LRFN5: variants seen among roughly 807,000 people sequenced by gnomAD.
The protein encoded by LRFN5 is leucine rich repeat and fibronectin type III domain containing 5, also known as leucine-rich repeat and fibronectin type-III domain-containing protein 5.
Under a neutral mutation model 45.6 loss-of-function variants are expected in LRFN5, and 24 were observed. The observed-to-expected ratio is 0.53, with a 90% CI of 0.38 to 0.74. The LOEUF is 0.74. LRFN5 is among the 30% of genes least tolerant of loss of function. The pLI is 0.00. For synonymous variants in LRFN5, 340 were observed against 313.8 expected (o/e 1.08, Z -0.88); for missense variants, 776 against 861.5 (o/e 0.90, Z 1.24).
intron 1 of LRFN5, among the ~76,000 whole-genome samples, chr14:41,669,947 T>A (rs1486970158): frequency 4.2e-5 from 6 of 142,626 alleles, no homozygotes; most frequent in Non-Finnish European, 7.6e-5. Flanking sequence ...ATAAAAAAAA[T>A]TTGCTATATT....
At chr14:41,673,215 TCAATGAG>T (rs904869921) in intron 1 of LRFN5, among the ~76,000 whole-genome samples, 1 of 151,994 alleles carries the variant, frequency 6.6e-6, no homozygotes, top group African/African-American at 2.4e-5. Context: ...TGGCCCGTTC[TCAATGAG>T]CTGTTGGGTA....
intron 2 of LRFN5, among the ~76,000 whole-genome samples, chr14:41,826,798 T>A (rs1036092840): frequency 1.3e-5 from 2 of 151,856 alleles, no homozygotes; most frequent in African/African-American, 4.8e-5. Flanking sequence ...ATCTATAATA[T>A]GGGAAAATAA....
intron 2 of LRFN5, among the ~76,000 whole-genome samples, chr14:41,870,185 G>A (rs1209160897): frequency 6.6e-6 from 1 of 152,048 alleles, no homozygotes; most frequent in Non-Finnish European, 1.5e-5. Context: ...CAGGTTGTTG[G>A]TAAAATTCAT....
chr14:41,743,538 G>C (rs896858776), intron 1 of LRFN5, among the ~76,000 whole-genome samples: 6 of 152,176 alleles, frequency 3.9e-5, no homozygotes, highest in African/African-American at 1.4e-4. Context: ...GGGGAAGGAT[G>C]AGGAAAATGA....
At chr14:41,825,234 A>G (rs989859243) in intron 2 of LRFN5, among the ~76,000 whole-genome samples, 3 of 152,146 alleles carry the variant, frequency 2.0e-5, no homozygotes, top group African/African-American at 7.2e-5. Context: ...TGGAATGGCC[A>G]TCCACAGACG....
intron 1 of LRFN5, among the ~76,000 whole-genome samples, chr14:41,639,968 TTTTTTTTTTTA>T (rs1489304586): frequency 6.9e-6 from 1 of 144,792 alleles, no homozygotes; most frequent in African/African-American, 2.6e-5. Context: ...TTTTTTTTTT[TTTTTTTTTTTA>T]TTTACAGCTG....
chr14:41,799,321 T>C (rs1887243248), intron 2 of LRFN5, among the ~76,000 whole-genome samples: 1 of 152,114 alleles, frequency 6.6e-6, no homozygotes, highest in Middle Eastern at 3.4e-3. Flanking sequence ...ACTTTTTGCC[T>C]GGGAATTTGA....
intron 2 of LRFN5, among the ~76,000 whole-genome samples, chr14:41,839,451 T>C (rs1199555505): frequency 6.6e-6 from 1 of 152,274 alleles, no homozygotes; most frequent in East Asian, 1.9e-4. Context: ...GATGACTGCA[T>C]GATCAGTCTG....
intron 1 of LRFN5, among the ~76,000 whole-genome samples, chr14:41,612,793 A>T (rs558024655): frequency 1.3e-5 from 2 of 152,184 alleles, no homozygotes; most frequent in East Asian, 3.9e-4. Context: ...TTAGAGGTGA[A>T]CCATTTTTAG....
At position 41,869,169 on chromosome 14, in the gene LRFN5, A is replaced by G. The variant is rs185550655; in HGVS notation, c.-20-17437A>G. Reference sequence around the variant, plus strand: ...TATTTTCTTGTTCTCTCCAATTTATATTTCTGTTCTACTCTGAGTGGGCAA... The same window carrying G: ...TATTTTCTTGTTCTCTCCAATTTATGTTTCTGTTCTACTCTGAGTGGGCAA... On this transcript the variant is annotated intron_variant, in intron 2 of 5. Transcript: ENST00000298119. Among the ~76,000 whole-genome samples, 547 of 152,138 alleles carry G rather than the reference A, an allele frequency of 3.6e-3. 3 individuals are homozygous for G. The highest frequency in any genetic ancestry group is 0.013 in the African/African-American group (531 of 41,508).
chr14:41,715,336 A>C (rs1458857536), intron 1 of LRFN5, among the ~76,000 whole-genome samples: 4 of 152,176 alleles, frequency 2.6e-5, no homozygotes, highest in African/African-American at 9.7e-5. Context: ...CATTTGATCC[A>C]ATAATGTGGA....
chr14:41,673,303 C>A (rs1566614032), intron 1 of LRFN5, among the ~76,000 whole-genome samples: 1 of 151,364 alleles, frequency 6.6e-6, no homozygotes, highest in Non-Finnish European at 1.5e-5. Flanking sequence ...CGGGCAGAGG[C>A]GCCCCTCACC....
At chr14:41,679,904 G>T (rs569852116) in intron 1 of LRFN5, among the ~76,000 whole-genome samples, 1 of 152,252 alleles carries the variant, frequency 6.6e-6, no homozygotes, top group Admixed American at 6.5e-5. Flanking sequence ...AAAGTCCCAG[G>T]TTTGGCAGCA....
chr14:41,723,033 G>A (rs1883791256), intron 1 of LRFN5, among the ~76,000 whole-genome samples: 1 of 152,192 alleles, frequency 6.6e-6, no homozygotes, highest in African/African-American at 2.4e-5. Context: ...CATAGTAGGT[G>A]GGGTAGCCTC....
intron 1 of LRFN5, among the ~76,000 whole-genome samples, chr14:41,763,287 C>T (rs888091828): frequency 2.6e-5 from 4 of 152,100 alleles, no homozygotes; most frequent in Non-Finnish European, 4.4e-5. Context: ...ACTTTAAAGT[C>T]CTACCTTTGT....
At chr14:41,837,976 A>T (rs541977613) in intron 2 of LRFN5, among the ~76,000 whole-genome samples, 1 of 152,280 alleles carries the variant, frequency 6.6e-6, no homozygotes, top group South Asian at 2.1e-4. Flanking sequence ...TCCACATGAG[A>T]CTATATTTAG....
chr14:41,792,327 A>G (rs903247427), intron 2 of LRFN5, among the ~76,000 whole-genome samples: 4 of 152,088 alleles, frequency 2.6e-5, no homozygotes, highest in African/African-American at 9.7e-5. Flanking sequence ...CTGTGCACGT[A>G]TTATCTTGAT....
intron 2 of LRFN5, among the ~76,000 whole-genome samples, chr14:41,845,149 G>GGTA (rs10623949): frequency 1.7e-4 from 25 of 151,486 alleles, no homozygotes; most frequent in Non-Finnish European, 2.5e-4. Flanking sequence ...AACATGAGTA[G>GGTA]ATAATAAATA....
chr14:41,831,453 A>G (rs1463543675), intron 2 of LRFN5, among the ~76,000 whole-genome samples: 1 of 152,222 alleles, frequency 6.6e-6, no homozygotes, highest in Admixed American at 6.5e-5. Context: ...TATATAATAT[A>G]AACACTCAAT....
Sources: allele counts gnomAD v4.1 joint callset (sites outside exome capture counted in the v4.1 genomes callset), GRCh38; gene constraint gnomAD v4.1.1; transcripts MANE v1.5; gene names NCBI Gene and HGNC (gene_info 2026-07-23, HGNC 2026-07-21).